The following GMDS variants were observed in gnomAD, a reference collection of about 807,000 sequenced individuals.
The protein encoded by GMDS is GDP-mannose 4,6-dehydratase, also known as GDP-mannose 4,6 dehydratase.
Under a neutral mutation model 49.9 loss-of-function variants are expected in GMDS, and 20 were observed. The observed-to-expected ratio is 0.40, with a 90% CI of 0.28 to 0.58. The LOEUF (loss-of-function observed/expected upper bound fraction) is 0.58. Among genes scored for constraint, GMDS ranks in the 20% least tolerant of loss-of-function variants. The probability of loss-of-function intolerance (pLI) is 0.42; values close to 1 mark genes in which losing one functional copy is unlikely to be tolerated. For synonymous variants in GMDS, 177 were observed against 178.6 expected, an observed-to-expected ratio of 0.99 and a Z score of 0.07; for missense variants, 362 against 481.4, an observed-to-expected ratio of 0.75 and a Z score of 2.32.
At chr6:1,735,610 A>G (rs375269758) in intron 8 of GMDS, among the ~76,000 whole-genome samples, 17 of 152,148 alleles carry the variant, frequency 1.1e-4, no homozygotes, top group African/African-American at 4.1e-4. Context: ...CAGCTTACCC[A>G]GTGCCCACAC....
At chr6:2,095,295 T>C (rs765789469) in intron 4 of GMDS, among the ~76,000 whole-genome samples, 76 of 152,244 alleles carry the variant, frequency 5.0e-4, no homozygotes, top group Admixed American at 6.5e-4. Context: ...AGTTCAGTAA[T>C]AAAAAGTTAA....
At chr6:1,728,882 T>C (rs1426758376) in intron 8 of GMDS, among the ~76,000 whole-genome samples, 2 of 151,978 alleles carry the variant, frequency 1.3e-5, no homozygotes, top group Non-Finnish European at 2.9e-5. Context: ...TCTTCCTTAT[T>C]ATTTTCTTCT....
In GMDS at chr6:2,037,682, C is replaced by A. The variant is rs370694785; in HGVS notation, c.346-76716G>T. On this transcript the variant is annotated intron_variant, in intron 4 of 10. Coordinates refer to ENST00000380815, the MANE Select transcript of GMDS (RefSeq NM_001500.4). The stretch of plus-strand genomic sequence containing the variant: ...CAAATTATGCTGTAACATAACAAAG[C>A]GCCTGGATGCTGTGAATAGAAAGAA... Among the ~76,000 whole-genome samples, 20 of 152,238 alleles carry A rather than the reference C, an allele frequency of 1.3e-4. No individual in the cohort carries two copies. The South Asian group carries it at 4.2e-3, about 32-fold the overall frequency.
chr6:2,058,016 A>G (rs961604800), intron 4 of GMDS, among the ~76,000 whole-genome samples: 1 of 152,124 alleles, frequency 6.6e-6, no homozygotes, highest in Non-Finnish European at 1.5e-5. Flanking sequence ...CAACCCACTC[A>G]ATCTTTATAT....
chr6:1,805,545 T>TAC (rs1770138818), intron 7 of GMDS, among the ~76,000 whole-genome samples: 1 of 152,186 alleles, frequency 6.6e-6, no homozygotes, highest in Admixed American at 6.5e-5. Flanking sequence ...ACTAGAACCA[T>TAC]ACTTCTTTGG....
chr6:1,660,691 A>G (rs1363582700), intron 9 of GMDS, among the ~76,000 whole-genome samples: 3 of 148,902 alleles, frequency 2.0e-5, no homozygotes, highest in African/African-American at 7.4e-5. Context: ...CTCAAACAAG[A>G]TGTGGGAGTG....
At chr6:1,721,570 C>T (rs1766384420) in intron 9 of GMDS, among the ~76,000 whole-genome samples, 1 of 152,056 alleles carries the variant, frequency 6.6e-6, no homozygotes. Flanking sequence ...GTCCCTTTAT[C>T]CCATTTCCCA....
chr6:1,760,868 T>C (rs548498693), intron 7 of GMDS, among the ~76,000 whole-genome samples: 5 of 152,330 alleles, frequency 3.3e-5, no homozygotes, highest in African/African-American at 4.8e-5. Context: ...GGTGGTCCAA[T>C]TGCTCTTACT....
intron 4 of GMDS, among the ~76,000 whole-genome samples, chr6:2,060,373 T>C (rs550904191): frequency 6.6e-6 from 1 of 152,248 alleles, no homozygotes; most frequent in African/African-American, 2.4e-5. Context: ...TCATATTTTA[T>C]TTTAAAGTTC....
chr6:2,207,543 C>T (rs1001993164), intron 1 of GMDS, among the ~76,000 whole-genome samples: 19 of 151,932 alleles, frequency 1.3e-4, no homozygotes, highest in Admixed American at 1.0e-3. Flanking sequence ...GAGCTTATAA[C>T]ATTAGAGTTT....
intron 9 of GMDS, among the ~76,000 whole-genome samples, chr6:1,666,125 G>A (rs1293460660): frequency 6.6e-6 from 1 of 152,162 alleles, no homozygotes; most frequent in African/African-American, 2.4e-5. Context: ...CTGAGTGTAT[G>A]GGAAGTGAAC....
At chr6:1,913,232 T>C (rs999144295) in intron 7 of GMDS, among the ~76,000 whole-genome samples, 3 of 151,012 alleles carry the variant, frequency 2.0e-5, no homozygotes, top group Non-Finnish European at 4.4e-5. Context: ...ATACAAAAAA[T>C]TAGCCGGGCG....
chr6:1,807,875 T>C (rs1770247174), intron 7 of GMDS, among the ~76,000 whole-genome samples: 1 of 151,814 alleles, frequency 6.6e-6, no homozygotes, highest in African/African-American at 2.4e-5. Flanking sequence ...TCACTAACCA[T>C]GAAAAAAATT....
At chr6:2,087,403 T>C (rs1773073817) in intron 4 of GMDS, among the ~76,000 whole-genome samples, 1 of 152,242 alleles carries the variant, frequency 6.6e-6, no homozygotes, top group South Asian at 2.1e-4. Context: ...AATTAATTAG[T>C]GATAATAATC....
intron 4 of GMDS, 32 bp from the exon 5 acceptor site, chr6:1,960,998 TA>T: frequency 7.2e-7 from 1 of 1,395,106 alleles, no homozygotes; most frequent in Non-Finnish European, 9.8e-7. Flanking sequence ...AGGGCTGCAT[TA>T]ATAGCTTCAT....
intron 4 of GMDS, among the ~76,000 whole-genome samples, chr6:2,115,142 G>A (rs540710137): frequency 2.6e-5 from 4 of 152,216 alleles, no homozygotes; most frequent in South Asian, 2.1e-4. Context: ...AGGAGGACAC[G>A]GCAACAAAAA....
chr6:2,020,228 A>G (rs1768194232), intron 4 of GMDS, among the ~76,000 whole-genome samples: 3 of 152,160 alleles, frequency 2.0e-5, no homozygotes, highest in African/African-American at 7.2e-5. Context: ...GAACAATAAA[A>G]GTATGCATAA....
At chr6:1,700,308 C>T (rs1581476566) in intron 9 of GMDS, among the ~76,000 whole-genome samples, 1 of 152,232 alleles carries the variant, frequency 6.6e-6, no homozygotes, top group South Asian at 2.1e-4. Flanking sequence ...TTAAAATATG[C>T]TTGTGGGGAA....
At chr6:1,769,234 G>A (rs561657736) in intron 7 of GMDS, among the ~76,000 whole-genome samples, 7 of 152,294 alleles carry the variant, frequency 4.6e-5, no homozygotes, top group Non-Finnish European at 7.4e-5. Flanking sequence ...AAGAGGAAGC[G>A]GATCCTTCTC....
Sources: allele counts gnomAD v4.1 joint callset (sites outside exome capture counted in the v4.1 genomes callset), GRCh38; gene constraint gnomAD v4.1.1; transcripts MANE v1.5; gene names NCBI Gene and HGNC (gene_info 2026-07-23, HGNC 2026-07-21).